Variants in BCAT2 observed in about 807,000 individuals in gnomAD.
BCAT2 encodes the protein branched chain amino acid transaminase 2.
Under a neutral mutation model 52.9 loss-of-function variants are expected in BCAT2, and 44 were observed. The observed-to-expected ratio is 0.83, with a 90% CI of 0.65 to 1.07. The LOEUF is 1.07. Ranked by LOEUF, BCAT2 falls within the 50% of genes least tolerant of loss-of-function variation. The probability of loss-of-function intolerance (pLI) is 0.00; values close to 1 mark genes in which losing one functional copy is unlikely to be tolerated. For synonymous variants in BCAT2, 215 were observed against 217.1 expected (o/e 0.99, Z 0.08); for missense variants, 478 against 521.8 (o/e 0.92, Z 0.82).
At position 48,799,702 on chromosome 19, in the gene BCAT2, C is replaced by A; in HGVS notation, c.668G>T (p.Gly223Val). Residue 223 changes from glycine to valine, a missense_variant, in exon 6 of 11, where the codon GGC (glycine) becomes GTC (valine). By Grantham distance (109) the Gly-to-Val change is moderately radical (BLOSUM62 -3). Transcript: ENST00000316273. This position sits in a 1 kb window ranked among gnomAD's most constrained non-coding sequence, Gnocchi z 5.5. ...ACCTAACTTGTAGTTGCCGACCCCG[C>A]CCACCCAGGCCCGGATGAAGGCTGG... ...ADPAFIRAWV[G>V]GVGNYKLGGN... 6.3e-7 allele frequency: 1 copy of A among 1,588,960 alleles called. No individual in the cohort carries two copies.
In BCAT2 at chr19:48,799,401, G is replaced by A. The variant is rs896940656; in HGVS notation, c.695+274C>T. The A allele has an allele frequency of 1.9e-5, 8 of 411,826 alleles. No homozygotes were observed. Among genetic ancestry groups the A allele is most frequent in the African/African-American group, 1.7e-4 (8 of 47,978 alleles). The allele number at this position is 411,826 out of a possible 1,614,324, so 25.5% of individuals were successfully genotyped here. On this transcript the variant is annotated intron_variant, in intron 6 of 10. Coordinates refer to ENST00000316273, the MANE Select transcript of BCAT2 (RefSeq NM_001190.4). This position sits in a 1 kb window ranked among gnomAD's most constrained non-coding sequence, Gnocchi z 5.5. ...CTGAGTGTAAGCTTCACTCCTGGAG[G>A]CTTCCAGGGACCAGTCCTGGTTTCC...
chr19:48,810,887 G>GCGGCGCCGAGTCGGAC, intron 1 of BCAT2, 97 bp downstream of exon 1: 2 of 1,549,502 alleles, frequency 1.3e-6, no homozygotes, highest in Non-Finnish European at 1.7e-6. Flanking sequence ...GGCGGGAGGA[G>GCGGCGCCGAGTCGGAC]CGGCGCCGAG....
chr19:48,806,586 C>G lies in BCAT2; in HGVS notation c.231G>C (p.Gln77His), dbSNP rs2122691847. The part of the protein sequence containing the change: ...MVEWNDKGWG[Q>H]PRIQPFQNLT... ...GGTTCTGGAAGGGCTGGATTCGGGG[C>G]TGGCCCCAGCCCTTGTCATTCCATT... is the stretch of plus-strand genomic sequence containing the variant. The change falls in exon 3 of 11, where the codon CAG becomes CAC. Residue 77 changes from glutamine (Q) to histidine (H), a missense_variant. By Grantham distance (24) the Gln-to-His change is conservative. Coordinates refer to ENST00000316273, the MANE Select transcript of BCAT2 (RefSeq NM_001190.4). 3 of 1,614,160 alleles carry G rather than the reference C, an allele frequency of 1.9e-6. No homozygotes were observed. In the East Asian group the frequency reaches 6.7e-5, roughly 36 times the overall value.
chr19:48,809,289 TAAA>T (rs888551589), intron 1 of BCAT2, among the ~76,000 whole-genome samples: 27 of 151,674 alleles, frequency 1.8e-4, no homozygotes, highest in Admixed American at 4.6e-4. Flanking sequence ...GACAAAGAAA[TAAA>T]GTACGTTTGG....
At chr19:48,808,582 C>A (rs1035747158) in intron 1 of BCAT2, among the ~76,000 whole-genome samples, 4 of 151,902 alleles carry the variant, frequency 2.6e-5, no homozygotes, top group African/African-American at 9.7e-5. Flanking sequence ...CATAGGGAGA[C>A]CCTGTCTCTA....
chr19:48,804,937 G>A lies in BCAT2; in HGVS notation c.300+1580C>T, dbSNP rs192746185. Among the ~76,000 whole-genome samples the A allele has an allele frequency of 5.3e-5, 8 of 152,144 alleles. No individual in the cohort carries two copies. The East Asian group carries it at 1.5e-3, about 29-fold the overall frequency. On this transcript the variant is annotated intron_variant, in intron 3 of 10. Transcript: ENST00000316273. ...TGTGCTCTGTACAGAATCGACTGGT[G>A]TTGCTTAGATGTCCAGAGTGGGAGG... is the stretch of plus-strand genomic sequence containing the variant.
chr19:48,797,430 G>A, intron 6 of BCAT2, 97 bp from the exon 7 acceptor site: 3 of 1,452,856 alleles, frequency 2.1e-6, no homozygotes, highest in African/African-American at 2.8e-5. Flanking sequence ...CCGTCTCCCT[G>A]CTCACAGCTC....
At chr19:48,804,590 C>T (rs1202232400) in intron 3 of BCAT2, among the ~76,000 whole-genome samples, 6 of 151,938 alleles carry the variant, frequency 3.9e-5, no homozygotes, top group Non-Finnish European at 7.4e-5. Flanking sequence ...TACACGTGGT[C>T]GGCCTGCAAT....
chr19:48,795,322 G>A lies in BCAT2; in HGVS notation c.*104C>T. On this transcript the variant is annotated 3_prime_UTR_variant, in exon 11 of 11. Coordinates refer to ENST00000316273, the MANE Select transcript of BCAT2 (RefSeq NM_001190.4). ...CCAGAGACCCAGACGCCGCCCGCTG[G>A]CCTTTTATTTCGTATTGCACTTCAG... 3 of 1,492,074 alleles carry A rather than the reference G, an allele frequency of 2.0e-6. No individual in the cohort carries two copies. The highest frequency in any genetic ancestry group is 2.8e-6 in the Non-Finnish European group (3 of 1,084,200). The allele number at this position is 1,492,074 out of a possible 1,614,324, so 92.4% of individuals were successfully genotyped here.
intron 6 of BCAT2, among the ~76,000 whole-genome samples, chr19:48,798,232 C>T (rs1357387180): frequency 1.3e-5 from 2 of 152,156 alleles, no homozygotes; most frequent in South Asian, 2.1e-4. Context: ...GTCACCTCCT[C>T]GAGAGGTGTT....
In BCAT2 at chr19:48,808,332, A is replaced by T. The variant is rs945047575; in HGVS notation, c.25-1258T>A. 6.1e-5 allele frequency: 54 copies of T among 879,596 alleles called. No individual in the cohort carries two copies. In the African/African-American group the frequency reaches 8.6e-4, roughly 14 times the overall value. 54.5% of individuals were successfully genotyped at this position (879,596 alleles called of 1,614,324 possible). On this transcript the variant is annotated intron_variant, in intron 1 of 10. Transcript: ENST00000316273. Reference sequence around the variant, plus strand: ...GAGAGCTGCCCTCAGAGCCAAGATGAAAAAAAGAGAGTAAGAGATGGAAGA... The same window carrying T: ...GAGAGCTGCCCTCAGAGCCAAGATGTAAAAAAGAGAGTAAGAGATGGAAGA...
chr19:48,801,767 G>C (rs1216542656), intron 3 of BCAT2, among the ~76,000 whole-genome samples: 1 of 152,018 alleles, frequency 6.6e-6, no homozygotes, highest in African/African-American at 2.4e-5. Context: ...CTCCCAAGTA[G>C]CTGGGATTAC....
chr19:48,803,985 C>T (rs916893618), intron 3 of BCAT2, among the ~76,000 whole-genome samples: 3 of 152,052 alleles, frequency 2.0e-5, no homozygotes, highest in Non-Finnish European at 4.4e-5. Context: ...GTGGTGAAAC[C>T]GTGTCTCTAC....
chr19:48,795,559 G>GC (rs913470381), intron 10 of BCAT2, 95 bp from the exon 11 acceptor site: 2 of 1,416,338 alleles, frequency 1.4e-6, no homozygotes, highest in African/African-American at 2.8e-5. Context: ...ACGGAGCTGT[G>GC]CCCCAGCGGC....
chr19:48,803,726 C>G (rs988650734), intron 3 of BCAT2, among the ~76,000 whole-genome samples: 6 of 152,150 alleles, frequency 3.9e-5, no homozygotes, highest in African/African-American at 1.4e-4. Flanking sequence ...TAGACAAAGA[C>G]AGAAAGCAGA....
Position 48,807,938 on chromosome 19 carries a change from A to G in BCAT2, c.25-864T>C, listed in dbSNP as rs2034829631. The G allele has an allele frequency of 9.1e-6, 9 of 985,576 alleles. No individual in the cohort carries two copies. The Admixed American group carries it at 3.7e-4, about 40-fold the overall frequency. 61.1% of individuals were successfully genotyped at this position (985,576 alleles called of 1,614,324 possible). A position where few individuals can be genotyped will look rare whatever the true frequency, so the allele number is the denominator to read the frequency against. ...CCAGCAGGCTGGGCCCTCTCTGGTG[A>G]CCTTTGACCTCACAAGGCCTCTTTC... On this transcript the variant is annotated intron_variant, in intron 1 of 10. Coordinates refer to ENST00000316273, the MANE Select transcript of BCAT2 (RefSeq NM_001190.4). The surrounding 1 kb of genome is among the most constrained non-coding windows in gnomAD (Gnocchi z 4.6).
intron 2 of BCAT2, 86 bp from the exon 3 acceptor site, chr19:48,806,803 C>A (rs2034794667): frequency 2.6e-6 from 4 of 1,519,200 alleles, no homozygotes; most frequent in East Asian, 2.3e-5. Flanking sequence ...GGGCCTCAGA[C>A]CCATAGAGAA....
chr19:48,795,097 CAA>C lies in BCAT2; in HGVS notation c.*327_*328del. ...TTGGCATTTTATTTCAAAATTGCAGCAAAGACAGAGAAAAAAAAATCAACGGC... is the reference window on the plus strand; with the variant it reads ...TTGGCATTTTATTTCAAAATTGCAGCAGACAGAGAAAAAAAAATCAACGGC... On this transcript the variant is annotated 3_prime_UTR_variant, in exon 11 of 11. Coordinates refer to ENST00000316273, the MANE Select transcript of BCAT2 (RefSeq NM_001190.4). The C allele has an allele frequency of 2.4e-6, 1 of 416,754 alleles. No homozygotes were observed. The highest frequency in any genetic ancestry group is 4.4e-6 in the Non-Finnish European group (1 of 228,580). 25.8% of individuals were successfully genotyped at this position (416,754 alleles called of 1,614,324 possible). A position where few individuals can be genotyped will look rare whatever the true frequency, so the allele number is the denominator to read the frequency against.
chr19:48,796,362 C>T (rs2034515446), intron 10 of BCAT2, 66 bp downstream of exon 10: 1 of 1,590,464 alleles, frequency 6.3e-7, no homozygotes, highest in African/African-American at 1.3e-5. Context: ...AGTCCAGGGG[C>T]TCATGGGACA....
Sources: allele counts gnomAD v4.1 joint callset (sites outside exome capture counted in the v4.1 genomes callset), GRCh38; gene constraint gnomAD v4.1.1; non-coding constraint Gnocchi (gnomAD v3.1); transcripts MANE v1.5; gene names NCBI Gene and HGNC (gene_info 2026-07-23, HGNC 2026-07-21).